Variants in CEP44 observed in about 807,000 individuals in gnomAD.
CEP44 encodes centrosomal protein of 44 kDa.
In CEP44, 45 loss-of-function variants were observed where a neutral mutation model predicts 46.7. That is an observed-to-expected ratio of 0.96 (90% CI 0.76 to 1.24). The LOEUF (loss-of-function observed/expected upper bound fraction) is 1.24, where lower values mean the gene tolerates loss of function less well. CEP44 is among the 50% of genes most tolerant of loss of function. The pLI, the probability that CEP44 is intolerant of heterozygous loss-of-function variation, is 0.00. For missense variants in CEP44, 475 were observed against 459.7 expected (o/e 1.03, Z -0.30); for synonymous variants, 142 against 146.0 (o/e 0.97, Z 0.20).
At chr4:174,289,186 G>A (rs140454940) in intron 1 of CEP44, among the ~76,000 whole-genome samples, 10 of 151,860 alleles carry the variant, frequency 6.6e-5, no homozygotes, top group African/African-American at 2.2e-4. Context: ...GGATTTTTAC[G>A]TCTATATTCA....
chr4:174,284,059 T>C (rs1737255733), intron 1 of CEP44, 116 bp downstream of exon 1: 2 of 398,920 alleles, frequency 5.0e-6, no homozygotes, highest in East Asian at 3.6e-5. Context: ...CTCTGGTGAC[T>C]GTGTATGGTT....
chr4:174,295,013 G>A, intron 1 of CEP44, among the ~76,000 whole-genome samples: 1 of 137,648 alleles, frequency 7.3e-6, no homozygotes, highest in East Asian at 2.2e-4. Context: ...GGATGGGACG[G>A]CTGGCCAGGC....
Position 174,286,411 on chromosome 4 carries a change from G to T in CEP44, c.-148+2468G>T, listed in dbSNP as rs527485703. Reference sequence around the variant, plus strand: ...CTTCACCTGATTTATGAATTGTTCTGTTTTCATTTTAATATAATGACTTCA... The same window carrying T: ...CTTCACCTGATTTATGAATTGTTCTTTTTTCATTTTAATATAATGACTTCA... On this transcript the variant is annotated intron_variant, in intron 1 of 11. Coordinates refer to ENST00000503780, the MANE Select transcript of CEP44 (RefSeq NM_001040157.3). The surrounding 1 kb of genome is among the most constrained non-coding windows in gnomAD (Gnocchi z 5.2). Among the ~76,000 whole-genome samples, 1 of 152,224 alleles carries T rather than the reference G, an allele frequency of 6.6e-6. No individual in the cohort carries two copies. The highest frequency in any genetic ancestry group is 1.9e-4 in the East Asian group (1 of 5,182).
rs760621979 is a variant in CEP44 at position 174,301,991 on chromosome 4, A to G, written c.90-48A>G. 6.6e-7 allele frequency: 1 copy of G among 1,503,966 alleles called. No homozygotes were observed. The highest frequency in any genetic ancestry group is 9.0e-7 in the Non-Finnish European group (1 of 1,113,122). The allele number at this position is 1,503,966 out of a possible 1,614,324, so 93.2% of individuals were successfully genotyped here. On this transcript the variant is annotated intron_variant, in intron 3 of 11. Coordinates refer to ENST00000503780, the MANE Select transcript of CEP44 (RefSeq NM_001040157.3). The surrounding 1 kb of genome is among the most constrained non-coding windows in gnomAD (Gnocchi z 4.3). ...CTTGATTATCCAACTTTGTGGAATTATGCTTATTAAATGCTTATTAAAAAT... is the reference window on the plus strand; with the variant it reads ...CTTGATTATCCAACTTTGTGGAATTGTGCTTATTAAATGCTTATTAAAAAT...
At chr4:174,295,533 G>T (rs1435832918) in intron 1 of CEP44, among the ~76,000 whole-genome samples, 1 of 143,092 alleles carries the variant, frequency 7.0e-6, no homozygotes, top group African/African-American at 2.6e-5. Context: ...GGCTCCTCAC[G>T]TCCCAGACGA....
At chr4:174,296,763 A>ATTTTTTTTTTTTTTTTTTTTTTTTT (rs202212472) in intron 1 of CEP44, among the ~76,000 whole-genome samples, 1 of 90,420 alleles carries the variant, frequency 1.1e-5, no homozygotes, top group African/African-American at 4.4e-5. Context: ...GTCCTTACTG[A>ATTTTTTTTTTTTTTTTTTTTTTTTT]TTTTTTTTTT....
Position 174,319,312 on chromosome 4 carries a change from T to G in CEP44, c.*1929T>G. The stretch of plus-strand genomic sequence containing the variant: ...GGTTATAGTTATAAGGGAAAAAACT[T>G]CTGTATCGATTAACTCCTAAAATAT... On this transcript the variant is annotated 3_prime_UTR_variant, in exon 12 of 12. Coordinates refer to ENST00000503780, the MANE Select transcript of CEP44 (RefSeq NM_001040157.3). 1.0e-6 allele frequency: 1 copy of G among 980,858 alleles called. No individual in the cohort carries two copies. Among genetic ancestry groups the G allele is most frequent in the Non-Finnish European group, 1.2e-6 (1 of 825,814 alleles). The allele number at this position is 980,858 out of a possible 1,614,324, so 60.8% of individuals were successfully genotyped here.
intron 10 of CEP44, 106 bp downstream of exon 10, chr4:174,316,396 G>A (rs1007839914): frequency 2.9e-6 from 4 of 1,391,284 alleles, no homozygotes; most frequent in East Asian, 2.3e-5. Flanking sequence ...GCGAATCTTA[G>A]TCTCTCAAAA....
chr4:174,309,165 G>T lies in CEP44; in HGVS notation c.678+306G>T, dbSNP rs1410674798. 6.6e-6 allele frequency among the ~76,000 whole-genome samples: 1 copy of T among 152,026 alleles called. No homozygotes were observed. The highest frequency in any genetic ancestry group is 1.5e-5 in the Non-Finnish European group (1 of 67,960). Reference sequence around the variant, plus strand: ...CGATATGCTACTTTGCATAGTGGAGGTTCTCTACCACCTATTTTCTTTATT... The same window carrying T: ...CGATATGCTACTTTGCATAGTGGAGTTTCTCTACCACCTATTTTCTTTATT... On this transcript the variant is annotated intron_variant, in intron 7 of 11. Transcript: ENST00000503780. This position sits in a 1 kb window ranked among gnomAD's most constrained non-coding sequence, Gnocchi z 5.3.
intron 8 of CEP44, among the ~76,000 whole-genome samples, chr4:174,328,344 C>A (rs746338671): frequency 3.3e-5 from 5 of 152,184 alleles, no homozygotes; most frequent in Non-Finnish European, 7.3e-5. Context: ...AGAATGTTGG[C>A]AGTAGTCCAG....
chr4:174,308,557 C>A, intron 6 of CEP44, 132 bp from the exon 7 acceptor site: 1 of 828,618 alleles, frequency 1.2e-6, no homozygotes, highest in Non-Finnish European at 1.8e-6. Context: ...ATAATCTGCA[C>A]AACAAACCCC....
chr4:174,293,256 G>C (rs1414855591), intron 1 of CEP44, among the ~76,000 whole-genome samples: 1 of 152,204 alleles, frequency 6.6e-6, no homozygotes, highest in African/African-American at 2.4e-5. Context: ...CTGCTGCTGG[G>C]TCTGGAGCCA....
chr4:174,324,592 C>T (rs753278296), downstream of CEP44, among the ~76,000 whole-genome samples: 4 of 152,056 alleles, frequency 2.6e-5, no homozygotes, highest in Non-Finnish European at 4.4e-5. Flanking sequence ...TGGTGTAAAC[C>T]AAAAGTTAAG....
At chr4:174,306,815 A>G (rs957204019) in intron 6 of CEP44, among the ~76,000 whole-genome samples, 1 of 152,126 alleles carries the variant, frequency 6.6e-6, no homozygotes, top group African/African-American at 2.4e-5. Context: ...TTATCTACCA[A>G]CAACAGTCAA....
chr4:174,285,239 G>GT (rs911040649), intron 1 of CEP44, among the ~76,000 whole-genome samples: 1 of 152,178 alleles, frequency 6.6e-6, no homozygotes, highest in Non-Finnish European at 1.5e-5. Flanking sequence ...ATTAATGAAA[G>GT]TAAGGTGTTA....
chr4:174,299,156 A>T lies in CEP44; in HGVS notation c.35A>T (p.Asn12Ile). 6.2e-7 allele frequency: 1 copy of T among 1,613,790 alleles called. No individual in the cohort carries two copies. The highest frequency in any genetic ancestry group is 8.5e-7 in the Non-Finnish European group (1 of 1,179,754). Reference sequence around the variant, plus strand: ...GGTGACTTAAAAAGAAGCTTACGGAACCTAGAACAGGTGCTCCGCTTGCTA... The same window carrying T: ...GGTGACTTAAAAAGAAGCTTACGGATCCTAGAACAGGTGCTCCGCTTGCTA... ...ATGDLKRSLRNLEQVLRLLNY... is the reference protein window; with the variant it reads ...ATGDLKRSLRILEQVLRLLNY... The change falls in exon 3 of 12, where the codon AAC becomes ATC. Residue 12 changes from asparagine to isoleucine, a missense_variant. Asn to Ile is a moderately radical substitution (Grantham distance 149, BLOSUM62 -3). Transcript: ENST00000503780.
At position 174,307,554 on chromosome 4, in the gene CEP44, A is replaced by G. The variant is rs191883180; in HGVS notation, c.508-1135A>G. Among the ~76,000 whole-genome samples, 587 of 152,356 alleles carry G rather than the reference A, an allele frequency of 3.9e-3. 3 individuals are homozygous for G. The highest frequency in any genetic ancestry group is 0.017 in the Middle Eastern group (5 of 294). ...TACCATTCAGGACATAGGTGTCGGC[A>G]ATGATTTCATGACGAAGACGCCAAA... On this transcript the variant is annotated intron_variant, in intron 6 of 11. Transcript: ENST00000503780.
rs576023739 is a variant in CEP44 at position 174,309,264 on chromosome 4, C to T, written c.678+405C>T. Among the ~76,000 whole-genome samples the T allele has an allele frequency of 3.9e-5, 6 of 152,150 alleles. No homozygotes were observed. In the South Asian group the frequency reaches 1.2e-3, roughly 32 times the overall value. On this transcript the variant is annotated intron_variant, in intron 7 of 11. Transcript: ENST00000503780. This position sits in a 1 kb window ranked among gnomAD's most constrained non-coding sequence, Gnocchi z 5.3. ...GGGTCCCTGCTGTTATTTTCTGTCT[C>T]TCTTAAAAAACCATTTCTATTACTC...
chr4:174,316,460 A>C lies in CEP44; in HGVS notation c.1087-70A>C, dbSNP rs369820295. ...CAATGTTTCAAACTGTGTTTTGTAC[A>C]TTCTCGGTCCATCTTTGATGATGGT... is the stretch of plus-strand genomic sequence containing the variant. On this transcript the variant is annotated intron_variant, in intron 10 of 11. Coordinates refer to ENST00000503780, the MANE Select transcript of CEP44 (RefSeq NM_001040157.3). 101 of 1,435,586 alleles carry C rather than the reference A, an allele frequency of 7.0e-5. No homozygotes were observed. In the African/African-American group the frequency reaches 1.3e-3, roughly 18 times the overall value. 88.9% of individuals were successfully genotyped at this position (1,435,586 alleles called of 1,614,324 possible). A position where few individuals can be genotyped will look rare whatever the true frequency, so the allele number is the denominator to read the frequency against.
Sources: allele counts gnomAD v4.1 joint callset (sites outside exome capture counted in the v4.1 genomes callset), GRCh38; gene constraint gnomAD v4.1.1; non-coding constraint Gnocchi (gnomAD v3.1); transcripts MANE v1.5; gene names NCBI Gene and HGNC (gene_info 2026-07-23, HGNC 2026-07-21).